Variants in ALG1 observed in about 807,000 individuals in gnomAD.
ALG1 encodes ALG1 chitobiosyldiphosphodolichol beta-mannosyltransferase.
A neutral mutation model predicts 55.1 loss-of-function variants in ALG1; 58 were observed. That is an observed-to-expected ratio of 1.05 (90% CI 0.85 to 1.31). ALG1 has a LOEUF of 1.31. ALG1 is among the 50% of genes most tolerant of loss of function. The pLI, the probability that ALG1 is intolerant of heterozygous loss-of-function variation, is 0.00. For synonymous variants in ALG1, 309 were observed against 247.0 expected (o/e 1.25, Z -2.35); for missense variants, 761 against 598.6 (o/e 1.27, Z -2.83).
At chr16:5,074,931 C>G (rs1332474487) in intron 3 of ALG1, among the ~76,000 whole-genome samples, 2 of 152,134 alleles carry the variant, frequency 1.3e-5, no homozygotes, top group East Asian at 1.9e-4. Context: ...GAGGCAGAGT[C>G]TAGCTCTGTC....
rs1957160143 is a variant in ALG1, at chr16:5,086,238, G to A, written c.*1357G>A. The stretch of plus-strand genomic sequence containing the variant: ...TAATCCCAGCTACTTGGGAGGCTGA[G>A]GTGGGAGAATTGCTTGAACCCAGGA... On this transcript the variant is annotated 3_prime_UTR_variant, in exon 13 of 13. Transcript: ENST00000262374. Among the ~76,000 whole-genome samples the A allele has an allele frequency of 6.6e-6, 1 of 151,686 alleles. No individual in the cohort carries two copies. The highest frequency in any genetic ancestry group is 2.4e-5 in the African/African-American group (1 of 41,332).
At chr16:5,074,786 C>A (rs183269349) in intron 3 of ALG1, among the ~76,000 whole-genome samples, 45 of 152,266 alleles carry the variant, frequency 3.0e-4, no homozygotes, top group Admixed American at 1.8e-3. Context: ...TGTTGTTAGA[C>A]CTTTTTAGAA....
intron 1 of ALG1, chr16:5,072,447 T>G (rs947437692): frequency 2.4e-6 from 1 of 423,154 alleles, no homozygotes; most frequent in Non-Finnish European, 4.2e-6. Flanking sequence ...ACAGATGTTT[T>G]CATTTGTTCT....
chr16:5,080,999 C>T lies in ALG1; in HGVS notation c.1015C>T (p.Gln339Ter), dbSNP rs1957007906. The stretch of plus-strand genomic sequence containing the variant: ...CCGCCTCATCCACCAGAAGCACTTC[C>T]AGCACATCCAGGTCTGCACCCCCTG... Reference protein sequence around the residue: ...YSRLIHQKHFQHIQVCTPWLE... With the variant: ...YSRLIHQKHF The change falls in exon 10 of 13, where the codon CAG becomes TAG. Residue 339 changes from glutamine to a stop codon, truncating the protein, a stop_gained. Coordinates refer to ENST00000262374, the MANE Select transcript of ALG1 (RefSeq NM_019109.5). LOFTEE classifies it high-confidence loss of function. The T allele has an allele frequency of 1.9e-6, 3 of 1,596,184 alleles. No homozygotes were observed. Among genetic ancestry groups the T allele is most frequent in the Non-Finnish European group, 2.5e-6 (3 of 1,179,744 alleles).
At chr16:5,076,611 C>T (rs768377357) in intron 4 of ALG1, among the ~76,000 whole-genome samples, 1 of 152,142 alleles carries the variant, frequency 6.6e-6, no homozygotes, top group African/African-American at 2.4e-5. Context: ...AACCCAGAAT[C>T]GCGCATGCCG....
At chr16:5,072,347 T>C in intron 1 of ALG1, 1 of 1,129,718 alleles carries the variant, frequency 8.9e-7, no homozygotes, top group Non-Finnish European at 1.2e-6. Context: ...CTAGTGCTGG[T>C]AGCTACGTCC....
chr16:5,086,100 C>A lies in ALG1; in HGVS notation c.*1219C>A, dbSNP rs1957153749. ...CCTGTAATCCCAACACTTTGGGAGG[C>A]CAAGGCGGGCGGATCACTTGAGGTC... On this transcript the variant is annotated 3_prime_UTR_variant, in exon 13 of 13. Coordinates refer to ENST00000262374, the MANE Select transcript of ALG1 (RefSeq NM_019109.5). Among the ~76,000 whole-genome samples, 1 of 152,178 alleles carries A rather than the reference C, an allele frequency of 6.6e-6. No individual in the cohort carries two copies. Among genetic ancestry groups the A allele is most frequent in the Admixed American group, 6.5e-5 (1 of 15,276 alleles).
rs1416938172 is a variant in ALG1 at position 5,085,739 on chromosome 16, A to G, written c.*858A>G. ...CATCTGATCCCGGCCCGGCCTGGAA[A>G]CAGAGCACATGTGTTTGAGGATGGC... is the stretch of plus-strand genomic sequence containing the variant. On this transcript the variant is annotated 3_prime_UTR_variant, in exon 13 of 13. Coordinates refer to ENST00000262374, the MANE Select transcript of ALG1 (RefSeq NM_019109.5). 6.2e-7 allele frequency: 1 copy of G among 1,605,246 alleles called. No individual in the cohort carries two copies. The highest frequency in any genetic ancestry group is 1.3e-5 in the African/African-American group (1 of 74,804).
chr16:5,078,242 C>T lies in ALG1; in HGVS notation c.740+225C>T, dbSNP rs1181599234. On this transcript the variant is annotated intron_variant, in intron 6 of 12. Coordinates refer to ENST00000262374, the MANE Select transcript of ALG1 (RefSeq NM_019109.5). ...GCTGCAATAGCAGAATCGCGTTTTG[C>T]AACAGAGAACCTGTGGCCCGCAAAG... 1.1e-5 allele frequency: 8 copies of T among 702,474 alleles called. No individual in the cohort carries two copies. In the East Asian group the frequency reaches 1.4e-4, roughly 12 times the overall value. 43.5% of individuals were successfully genotyped at this position (702,474 alleles called of 1,614,324 possible). A position where few individuals can be genotyped will look rare whatever the true frequency, so the allele number is the denominator to read the frequency against.
At chr16:5,076,482 C>T (rs549477117) in intron 4 of ALG1, among the ~76,000 whole-genome samples, 6 of 152,344 alleles carry the variant, frequency 3.9e-5, no homozygotes, top group South Asian at 4.1e-4. Context: ...AGGCTGAGAA[C>T]GATTATGCCT....
At chr16:5,084,078 C>T (rs985221196) in intron 12 of ALG1, among the ~76,000 whole-genome samples, 3 of 152,194 alleles carry the variant, frequency 2.0e-5, no homozygotes, top group East Asian at 1.9e-4. Context: ...GCAAAGGGAG[C>T]TTCTGGGACC....
intron 6 of ALG1, 115 bp downstream of exon 6, chr16:5,078,132 A>C (rs575047510): frequency 4.6e-5 from 53 of 1,154,298 alleles, no homozygotes; most frequent in Non-Finnish European, 6.7e-5. Context: ...CTAAGGCTAC[A>C]GGCCAGTCTG....
Position 5,085,714 on chromosome 16 carries a change from C to T in ALG1, c.*833C>T. On this transcript the variant is annotated 3_prime_UTR_variant, in exon 13 of 13. Transcript: ENST00000262374. Reference sequence around the variant, plus strand: ...CTGCTCATGACGAGGTTCCACTTCCCATCTGATCCCGGCCCGGCCTGGAAA... The same window carrying T: ...CTGCTCATGACGAGGTTCCACTTCCTATCTGATCCCGGCCCGGCCTGGAAA... 1 of 1,611,800 alleles carries T rather than the reference C, an allele frequency of 6.2e-7. No homozygotes were observed. Among genetic ancestry groups the T allele is most frequent in the Non-Finnish European group, 8.5e-7 (1 of 1,179,710 alleles).
At chr16:5,081,768 G>C (rs543550519) in intron 10 of ALG1, among the ~76,000 whole-genome samples, 9 of 152,092 alleles carry the variant, frequency 5.9e-5, no homozygotes, top group African/African-American at 2.2e-4. Context: ...CACCATGTTG[G>C]CCAGGCTGGT....
At chr16:5,072,351 T>C in intron 1 of ALG1, 2 of 1,067,456 alleles carry the variant, frequency 1.9e-6, no homozygotes, top group Non-Finnish European at 2.6e-6. Context: ...TGCTGGTAGC[T>C]ACGTCCCTGT....
intron 9 of ALG1, 54 bp downstream of exon 9, chr16:5,079,861 G>A: frequency 3.2e-6 from 5 of 1,576,476 alleles, no homozygotes; most frequent in Non-Finnish European, 4.4e-6. Context: ...GGAGGGGGAG[G>A]GGCACGCAGC....
At chr16:5,077,305 A>G in intron 4 of ALG1, 140 bp from the exon 5 acceptor site, 1 of 758,602 alleles carries the variant, frequency 1.3e-6, no homozygotes, top group Non-Finnish European at 2.3e-6. Flanking sequence ...ATAAAGAAAG[A>G]ACACTGGCAC....
At chr16:5,072,137 C>T in intron 1 of ALG1, 80 bp downstream of exon 1, 1 of 1,547,784 alleles carries the variant, frequency 6.5e-7, no homozygotes. Flanking sequence ...GGAGTCGAGG[C>T]GGAAGTGCTC....
chr16:5,081,668 C>G (rs2075111803), intron 10 of ALG1, among the ~76,000 whole-genome samples: 1 of 152,148 alleles, frequency 6.6e-6, no homozygotes, highest in South Asian at 2.1e-4. Context: ...AAGCGATTTT[C>G]CCACCTCAGC....
Sources: allele counts gnomAD v4.1 joint callset (sites outside exome capture counted in the v4.1 genomes callset), GRCh38; gene constraint gnomAD v4.1.1; transcripts MANE v1.5; gene names NCBI Gene and HGNC (gene_info 2026-07-23, HGNC 2026-07-21).